The following TET1 variants were observed in gnomAD, a reference collection of about 807,000 sequenced individuals.
TET1 encodes the protein tet methylcytosine dioxygenase 1, also known as methylcytosine dioxygenase TET1.
Under a neutral mutation model 148.7 loss-of-function variants are expected in TET1, and 13 were observed. The observed-to-expected ratio is 0.09, with a 90% CI of 0.06 to 0.14. The LOEUF (loss-of-function observed/expected upper bound fraction) is 0.14. Ranked by LOEUF, TET1 falls within the 10% of genes least tolerant of loss-of-function variation. The pLI is 1.00. For missense variants in TET1, 2,182 were observed against 2,553.8 expected (o/e 0.85, Z 3.14); for synonymous variants, 907 against 937.2 (o/e 0.97, Z 0.59).
At chr10:68,576,882 C>T (rs1283507874) in intron 2 of TET1, among the ~76,000 whole-genome samples, 2 of 151,424 alleles carry the variant, frequency 1.3e-5, no homozygotes, top group Admixed American at 6.6e-5. Context: ...GCTGGGATTA[C>T]AGGCACCCAC....
At chr10:68,593,051 T>C (rs974182374) in intron 2 of TET1, among the ~76,000 whole-genome samples, 1 of 151,736 alleles carries the variant, frequency 6.6e-6, no homozygotes, top group African/African-American at 2.4e-5. Context: ...CTGGCCAACA[T>C]AGTGAAATCT....
At position 68,693,136 on chromosome 10, in the gene TET1, G is replaced by T. The variant is rs1438252013; in HGVS notation, c.*1322G>T. The T allele has an allele frequency of 4.3e-6, 1 of 229,932 alleles. No homozygotes were observed. Among genetic ancestry groups the T allele is most frequent in the Non-Finnish European group, 8.5e-6 (1 of 117,088 alleles). 14.2% of individuals were successfully genotyped at this position (229,932 alleles called of 1,614,324 possible). On this transcript the variant is annotated 3_prime_UTR_variant, in exon 12 of 12. Transcript: ENST00000373644. ...CTCATCTTTTCTGATAATTGCCTAT[G>T]TTCTAGGTAACAGGAAAACAGGCAT...
intron 6 of TET1, among the ~76,000 whole-genome samples, chr10:68,655,794 G>C (rs1046089806): frequency 6.6e-6 from 1 of 152,150 alleles, no homozygotes; most frequent in Non-Finnish European, 1.5e-5. Flanking sequence ...GCCTGGGCTA[G>C]AGTGCACTAA....
chr10:68,649,554 C>T (rs916443211), intron 4 of TET1, among the ~76,000 whole-genome samples: 1 of 146,462 alleles, frequency 6.8e-6, no homozygotes, highest in African/African-American at 2.6e-5. Context: ...TGTAGTGAGC[C>T]GAGATCACGC....
intron 6 of TET1, among the ~76,000 whole-genome samples, chr10:68,657,594 C>G (rs945261233): frequency 3.3e-5 from 5 of 152,160 alleles, no homozygotes; most frequent in African/African-American, 1.2e-4. Context: ...TATTGGGCCA[C>G]TACACTCTAG....
intron 11 of TET1, among the ~76,000 whole-genome samples, chr10:68,688,430 CTTTTTTTTT>C (rs56149036): frequency 5.5e-5 from 5 of 90,112 alleles, no homozygotes; most frequent in Non-Finnish European, 4.4e-5. Context: ...CTTTTGATAG[CTTTTTTTTT>C]TTTTTTTTTT....
chr10:68,632,835 T>TAAAA (rs34118781), intron 3 of TET1: 30 of 436,604 alleles, frequency 6.9e-5, no homozygotes, highest in South Asian at 2.6e-4. Flanking sequence ...GTTTAAGTTG[T>TAAAA]AAAAAAAAAA....
chr10:68,611,678 CTTTTCT>C (rs2054214808), intron 3 of TET1, among the ~76,000 whole-genome samples: 1 of 79,552 alleles, frequency 1.3e-5, no homozygotes, highest in Admixed American at 1.3e-4. Context: ...TCTTTTCTTT[CTTTTCT>C]TTTCTTTTCT....
intron 2 of TET1, among the ~76,000 whole-genome samples, chr10:68,580,412 C>T (rs1419013743): frequency 5.5e-5 from 8 of 144,354 alleles, no homozygotes; most frequent in East Asian, 2.1e-4. Flanking sequence ...CCCTGACCTC[C>T]GGGCTCAAGT....
intron 3 of TET1, among the ~76,000 whole-genome samples, chr10:68,629,766 G>A (rs942397832): frequency 2.0e-5 from 3 of 152,032 alleles, no homozygotes; most frequent in Non-Finnish European, 4.4e-5. Context: ...TCGATCTCCT[G>A]ATCTTGTGAT....
intron 1 of TET1, among the ~76,000 whole-genome samples, chr10:68,571,037 C>T (rs1157578116): frequency 6.6e-6 from 1 of 151,900 alleles, no homozygotes; most frequent in Non-Finnish European, 1.5e-5. Context: ...GTCACCCAGG[C>T]TGGAGTGCAA....
chr10:68,646,308 G>A lies in TET1; in HGVS notation c.3579G>A (p.Ser1193=), dbSNP rs753160339. The change falls in exon 4 of 12, where the codon TCG becomes TCA. Residue 1193 remains serine (S), a synonymous_variant. Transcript: ENST00000373644. ...CAATATGCGACATTTGGATAGCATC[G>A]AAATTTCAAAATTTTGGGCAATTTT... The part of the protein sequence containing the change: ...YGTICDIWIA[S]KFQNFGQFCP... 2.2e-5 allele frequency: 35 copies of A among 1,613,952 alleles called. No individual in the cohort carries two copies. The highest frequency in any genetic ancestry group is 8.0e-5 in the African/African-American group (6 of 74,902).
chr10:68,621,014 C>T (rs2054362493), intron 3 of TET1, among the ~76,000 whole-genome samples: 1 of 152,116 alleles, frequency 6.6e-6, no homozygotes, highest in Non-Finnish European at 1.5e-5. Context: ...TATAATAGTA[C>T]TTTATGTCCT....
chr10:68,584,569 C>T (rs985944623), intron 2 of TET1, among the ~76,000 whole-genome samples: 2 of 150,022 alleles, frequency 1.3e-5, no homozygotes, highest in Non-Finnish European at 2.9e-5. Context: ...ATTAGCCAGG[C>T]GTGGTGGCAT....
intron 11 of TET1, among the ~76,000 whole-genome samples, 169 bp from the exon 12 acceptor site, chr10:68,690,639 A>C (rs115492999): frequency 2.6e-5 from 4 of 152,380 alleles, no homozygotes; most frequent in African/African-American, 9.6e-5. Context: ...AACTACATAA[A>C]ATTTTTAATT....
chr10:68,632,262 C>G, intron 3 of TET1: 2 of 880,138 alleles, frequency 2.3e-6, no homozygotes, highest in South Asian at 3.4e-5. Context: ...GCGGAGCTTG[C>G]AGTGAGCCGA....
chr10:68,600,600 G>A (rs2132872598), intron 2 of TET1, among the ~76,000 whole-genome samples: 1 of 152,272 alleles, frequency 6.6e-6, no homozygotes, highest in Admixed American at 6.5e-5. Flanking sequence ...CTACAGTGCT[G>A]GCAGGCCAGG....
intron 6 of TET1, among the ~76,000 whole-genome samples, chr10:68,663,209 G>A (rs903272838): frequency 6.6e-6 from 1 of 152,118 alleles, no homozygotes; most frequent in Non-Finnish European, 1.5e-5. Context: ...TTAGAAGCAC[G>A]CTAAATTTGA....
chr10:68,578,885 C>G (rs1274490790), intron 2 of TET1, among the ~76,000 whole-genome samples: 1 of 152,100 alleles, frequency 6.6e-6, no homozygotes, highest in Non-Finnish European at 1.5e-5. Flanking sequence ...GGCGTGATAG[C>G]TCATGCCTGT....
Sources: gnomAD v4.1 joint callset for allele counts (sites outside exome capture counted in the v4.1 genomes callset) on GRCh38, gnomAD v4.1.1 for gene constraint, MANE v1.5 for transcripts, NCBI Gene and HGNC (gene_info 2026-07-23, HGNC 2026-07-21) for gene names.